JAZF1: variants seen among roughly 807,000 people sequenced by gnomAD.
JAZF1 encodes JAZF zinc finger 1, also known as juxtaposed with another zinc finger protein 1.
JAZF1 carries 8 observed loss-of-function variants against 26.4 expected under a neutral mutation model. The ratio of observed to expected loss-of-function variants is 0.30; its 90% CI spans 0.18 to 0.55. The LOEUF (loss-of-function observed/expected upper bound fraction) is 0.55, where lower values mean the gene tolerates loss of function less well. Ranked by LOEUF, JAZF1 falls within the 20% of genes least tolerant of loss-of-function variation. The pLI is 0.94. For missense variants in JAZF1, 199 were observed against 322.0 expected (o/e 0.62, Z 2.92); for synonymous variants, 126 against 122.3 (o/e 1.03, Z -0.20).
chr7:27,977,092 A>T (rs550262695), intron 2 of JAZF1, among the ~76,000 whole-genome samples: 1 of 152,308 alleles, frequency 6.6e-6, no homozygotes, highest in South Asian at 2.1e-4. Context: ...TAAATCCAAC[A>T]TCTGGGCTAT....
chr7:28,179,960 T>C (rs1783612963), intron 1 of JAZF1, among the ~76,000 whole-genome samples: 1 of 94,896 alleles, frequency 1.1e-5, no homozygotes, highest in Non-Finnish European at 1.9e-5. Flanking sequence ...CGCCGAGCCC[T>C]GACAGCTCGA....
intron 1 of JAZF1, among the ~76,000 whole-genome samples, chr7:28,085,656 A>T (rs1344045590): frequency 2.0e-5 from 3 of 152,228 alleles, no homozygotes; most frequent in Non-Finnish European, 2.9e-5. Context: ...ATTGCTTTGC[A>T]AACTGAGCTC....
At chr7:27,939,191 C>G (rs1784805587) in intron 2 of JAZF1, among the ~76,000 whole-genome samples, 1 of 152,140 alleles carries the variant, frequency 6.6e-6, no homozygotes, top group Non-Finnish European at 1.5e-5. Flanking sequence ...TTACTTGGAG[C>G]TTTAGGAATG....
At chr7:28,139,474 T>G (rs1386279568) in intron 1 of JAZF1, among the ~76,000 whole-genome samples, 1 of 152,170 alleles carries the variant, frequency 6.6e-6, no homozygotes, top group Non-Finnish European at 1.5e-5. Context: ...AGGAAACGTG[T>G]GGACACACAG....
At chr7:28,078,678 A>T (rs1784091642) in intron 1 of JAZF1, among the ~76,000 whole-genome samples, 1 of 152,168 alleles carries the variant, frequency 6.6e-6, no homozygotes, top group African/African-American at 2.4e-5. Flanking sequence ...GTGAATCCGG[A>T]CACTATACTC....
At chr7:27,856,494 CTCT>C in intron 3 of JAZF1, among the ~76,000 whole-genome samples, 1 of 152,338 alleles carries the variant, frequency 6.6e-6, no homozygotes, top group South Asian at 2.1e-4. Context: ...TGCTTTTATT[CTCT>C]TATCTGGCCC....
chr7:28,092,766 G>T (rs1403613983), intron 1 of JAZF1, among the ~76,000 whole-genome samples: 1 of 151,932 alleles, frequency 6.6e-6, no homozygotes, highest in Non-Finnish European at 1.5e-5. Flanking sequence ...AGGCTGAGGT[G>T]GGAGGATCAC....
At chr7:28,120,953 A>G (rs897814532) in intron 1 of JAZF1, among the ~76,000 whole-genome samples, 1 of 152,132 alleles carries the variant, frequency 6.6e-6, no homozygotes, top group Non-Finnish European at 1.5e-5. Context: ...TAATCCCAGT[A>G]CTTTGGGAGG....
At chr7:28,121,186 G>T (rs200918830) in intron 1 of JAZF1, among the ~76,000 whole-genome samples, 2 of 134,154 alleles carry the variant, frequency 1.5e-5, no homozygotes, top group Non-Finnish European at 3.1e-5. Context: ...AGACTGTCTC[G>T]AAAAAAAAAG....
rs548127949 is a variant in JAZF1, at chr7:27,831,521, T to C, written c.*1279A>G. 2 of 228,650 alleles carry C rather than the reference T, an allele frequency of 8.7e-6. No individual in the cohort carries two copies. The highest frequency in any genetic ancestry group is 1.3e-4 in the East Asian group (2 of 15,976). The allele number at this position is 228,650 out of a possible 1,614,324, so 14.2% of individuals were successfully genotyped here. A position where few individuals can be genotyped will look rare whatever the true frequency, so the allele number is the denominator to read the frequency against. On this transcript the variant is annotated 3_prime_UTR_variant, in exon 5 of 5. Coordinates refer to ENST00000283928, the MANE Select transcript of JAZF1 (RefSeq NM_175061.4). ...GGAAAAACTTAAGGAATGGTCCAGA[T>C]GTAGATTACTCTAATAGGTCGTATT...
At chr7:27,935,422 G>A (rs1784750989) in intron 2 of JAZF1, among the ~76,000 whole-genome samples, 1 of 152,190 alleles carries the variant, frequency 6.6e-6, no homozygotes, top group Non-Finnish European at 1.5e-5. Context: ...CCCTGAAAAT[G>A]TCGTGCTAAA....
Position 28,110,515 on chromosome 7 carries a change from A to AAAGGG in JAZF1, c.115+69947_115+69948insCCCTT, listed in dbSNP as rs1562590947. Among the ~76,000 whole-genome samples, 24 of 58,944 alleles carry AAAGGG rather than the reference A, an allele frequency of 4.1e-4. 3 individuals are homozygous for AAAGGG. Among genetic ancestry groups the AAAGGG allele is most frequent in the East Asian group, 3.3e-3 (3 of 910 alleles). The allele number at this position is 58,944 out of a possible 152,430, so 38.7% of individuals were successfully genotyped here. A position where few individuals can be genotyped will look rare whatever the true frequency, so the allele number is the denominator to read the frequency against. On this transcript the variant is annotated intron_variant, in intron 1 of 4. Transcript: ENST00000283928. ...AAGGAAAGGAAAGGAAAAGGAAAGG[A>AAAGGG]AAAGGAAAAGGAAAAGGAAAGGAAA...
In JAZF1 at chr7:28,140,999, T is replaced by C. The variant is rs1033373475; in HGVS notation, c.115+39464A>G. Among the ~76,000 whole-genome samples the C allele has an allele frequency of 3.3e-5, 5 of 152,218 alleles. No individual in the cohort carries two copies. In the East Asian group the frequency reaches 9.6e-4, roughly 29 times the overall value. ...TAACGCAGAAAGAACTTTACAGCTGTGAATATCTGGTGGCAATGTGAAACT... is the reference window on the plus strand; with the variant it reads ...TAACGCAGAAAGAACTTTACAGCTGCGAATATCTGGTGGCAATGTGAAACT... On this transcript the variant is annotated intron_variant, in intron 1 of 4. Transcript: ENST00000283928.
intron 1 of JAZF1, among the ~76,000 whole-genome samples, chr7:28,097,804 G>A (rs1037189571): frequency 1.6e-4 from 24 of 152,092 alleles, no homozygotes; most frequent in Admixed American, 1.3e-4. Flanking sequence ...GAAATGGGAG[G>A]GTGACAGGAA....
At chr7:28,102,943 A>C (rs1784496024) in intron 1 of JAZF1, among the ~76,000 whole-genome samples, 1 of 152,360 alleles carries the variant, frequency 6.6e-6, no homozygotes, top group Admixed American at 6.5e-5. Flanking sequence ...GCAGAGAGAA[A>C]GTGAACTTGA....
intron 3 of JAZF1, among the ~76,000 whole-genome samples, chr7:27,849,934 C>T (rs1355110097): frequency 6.6e-6 from 1 of 152,192 alleles, no homozygotes; most frequent in African/African-American, 2.4e-5. Context: ...CCTTTGCTGA[C>T]CCCTTACCCG....
Position 28,078,478 on chromosome 7 carries a change from C to T in JAZF1, c.116-86497G>A, listed in dbSNP as rs147819599. ...TGCAATCACCTACACTGCCCTCTTGCGGTAGGCAGGCTGCATTGCTACTCA... is the reference window on the plus strand; with the variant it reads ...TGCAATCACCTACACTGCCCTCTTGTGGTAGGCAGGCTGCATTGCTACTCA... On this transcript the variant is annotated intron_variant, in intron 1 of 4. Transcript: ENST00000283928. 1.4e-3 allele frequency among the ~76,000 whole-genome samples: 219 copies of T among 152,268 alleles called. 1 individual carries two copies. Among genetic ancestry groups the T allele is most frequent in the African/African-American group, 4.8e-3 (199 of 41,554 alleles).
chr7:27,984,924 T>C (rs1785668205), intron 2 of JAZF1, among the ~76,000 whole-genome samples: 1 of 152,150 alleles, frequency 6.6e-6, no homozygotes, highest in Non-Finnish European at 1.5e-5. Flanking sequence ...AGACACAACA[T>C]ACCAGAATCT....
intron 2 of JAZF1, among the ~76,000 whole-genome samples, chr7:27,969,851 C>T (rs1026770461): frequency 6.6e-5 from 10 of 152,112 alleles, no homozygotes; most frequent in East Asian, 1.9e-4. Flanking sequence ...GCCTTGATTC[C>T]GTGCAGTATG....
Sources: gnomAD v4.1 joint callset for allele counts (sites outside exome capture counted in the v4.1 genomes callset) on GRCh38, gnomAD v4.1.1 for gene constraint, MANE v1.5 for transcripts, NCBI Gene and HGNC (gene_info 2026-07-23, HGNC 2026-07-21) for gene names.